Variants in CSMD1 observed in about 807,000 individuals in gnomAD.
CSMD1 encodes the protein CUB and sushi domain-containing protein 1.
Under a neutral mutation model 417.5 loss-of-function variants are expected in CSMD1, and 213 were observed. The ratio of observed to expected loss-of-function variants is 0.51; its 90% CI spans 0.46 to 0.57. CSMD1 has a LOEUF of 0.57. CSMD1 is among the 20% of genes least tolerant of loss of function. The pLI is 0.00. For synonymous variants in CSMD1, 2,862 were observed against 1,736.8 expected (o/e 1.65, Z -16.11); for missense variants, 6,923 against 4,529.7 (o/e 1.53, Z -15.17).
intron 3 of CSMD1, among the ~76,000 whole-genome samples, chr8:4,305,782 CAA>C (rs916512852): frequency 2.0e-4 from 31 of 152,206 alleles, no homozygotes; most frequent in African/African-American, 6.0e-4. Flanking sequence ...TTTCACTTCA[CAA>C]AAGTGATTTG....
rs368135714 is a variant in CSMD1, at chr8:3,188,477, T to G, written c.5523+410A>C. ...GTATACTACCATGCCTGGCTAGTTT[T>G]TATATTTTTAGTAGAGACAGGGTTT... is the stretch of plus-strand genomic sequence containing the variant. On this transcript the variant is annotated intron_variant, in intron 35 of 69. Coordinates refer to ENST00000635120, the MANE Select transcript of CSMD1 (RefSeq NM_033225.6). 5.3e-5 allele frequency among the ~76,000 whole-genome samples: 8 copies of G among 151,786 alleles called. No homozygotes were observed. The South Asian group carries it at 1.7e-3, about 32-fold the overall frequency.
At chr8:4,787,587 A>C (rs1304700727) in intron 1 of CSMD1, 3 of 1,532,604 alleles carry the variant, frequency 2.0e-6, no homozygotes, top group Non-Finnish European at 2.7e-6. Context: ...CCCCAGTGCG[A>C]AATGATTCCA....
intron 26 of CSMD1, among the ~76,000 whole-genome samples, chr8:3,236,882 C>G (rs980983660): frequency 1.3e-5 from 2 of 152,094 alleles, no homozygotes; most frequent in African/African-American, 2.4e-5. Flanking sequence ...TTATGAGTGC[C>G]CTGTTTTCCA....
chr8:4,939,087 C>T (rs1022271768), intron 1 of CSMD1, among the ~76,000 whole-genome samples: 6 of 152,174 alleles, frequency 3.9e-5, no homozygotes, highest in East Asian at 1.9e-4. Context: ...CCCCCCTCTG[C>T]GGGTTGCCTC....
intron 52 of CSMD1, among the ~76,000 whole-genome samples, chr8:3,003,445 G>C (rs1333880886): frequency 6.6e-6 from 1 of 152,116 alleles, no homozygotes; most frequent in African/African-American, 2.4e-5. Flanking sequence ...TCTCTGCTGT[G>C]TCTCTACCAT....
chr8:3,864,120 T>C (rs1166943545), intron 5 of CSMD1, among the ~76,000 whole-genome samples: 4 of 152,118 alleles, frequency 2.6e-5, no homozygotes, highest in African/African-American at 9.7e-5. Context: ...GCTGTTGATA[T>C]TTTAAAAAAA....
intron 26 of CSMD1, among the ~76,000 whole-genome samples, chr8:3,267,084 G>T (rs1003017418): frequency 6.6e-6 from 1 of 151,566 alleles, no homozygotes; most frequent in African/African-American, 2.4e-5. Context: ...AAGCCAGAGA[G>T]AGGGAAGGGT....
chr8:4,942,940 G>A lies in CSMD1; in HGVS notation c.85+51392C>T, dbSNP rs779225693. Among the ~76,000 whole-genome samples the A allele has an allele frequency of 1.8e-4, 28 of 152,248 alleles. 1 individual carries two copies. Among genetic ancestry groups the A allele is most frequent in the Non-Finnish European group, 3.2e-4 (22 of 68,014 alleles). On this transcript the variant is annotated intron_variant, in intron 1 of 69. Transcript: ENST00000635120. ...GGTTTGGATTAGGTTATAGATGATGGGTGTGCATTCAGGATTGAGATAGCT... is the reference window on the plus strand; with the variant it reads ...GGTTTGGATTAGGTTATAGATGATGAGTGTGCATTCAGGATTGAGATAGCT...
chr8:4,428,616 C>G (rs1394354632), intron 2 of CSMD1, among the ~76,000 whole-genome samples: 1 of 152,034 alleles, frequency 6.6e-6, no homozygotes, highest in Non-Finnish European at 1.5e-5. Context: ...TGCTCAAGTT[C>G]CTTTAGGAAA....
At chr8:4,939,598 C>T (rs376365389) in intron 1 of CSMD1, among the ~76,000 whole-genome samples, 27 of 151,826 alleles carry the variant, frequency 1.8e-4, no homozygotes, top group African/African-American at 6.3e-4. Flanking sequence ...AATAGTTGAA[C>T]TCAATGAAGC....
At chr8:3,537,005 CTTTCT>C (rs1354823212) in intron 10 of CSMD1, among the ~76,000 whole-genome samples, 1 of 151,946 alleles carries the variant, frequency 6.6e-6, no homozygotes, top group African/African-American at 2.4e-5. Flanking sequence ...TTTTTCTTTT[CTTTCT>C]TTTCTTTTTT....
At position 4,628,439 on chromosome 8, in the gene CSMD1, C is replaced by CATATAT. The variant is rs34507100; in HGVS notation, c.302+8897_302+8902dup. On this transcript the variant is annotated intron_variant, in intron 2 of 69. Coordinates refer to ENST00000635120, the MANE Select transcript of CSMD1 (RefSeq NM_033225.6). ...ATATACATATATATACACATATACA[C>CATATAT]ATATATACACATATACATATATATG... 2.5e-4 allele frequency among the ~76,000 whole-genome samples: 36 copies of CATATAT among 146,198 alleles called. No homozygotes were observed. In the East Asian group the frequency reaches 5.2e-3, roughly 21 times the overall value.
intron 1 of CSMD1, among the ~76,000 whole-genome samples, chr8:4,716,413 A>G (rs896210521): frequency 2.0e-5 from 3 of 152,186 alleles, no homozygotes; most frequent in Non-Finnish European, 4.4e-5. Context: ...CTTTTTCATA[A>G]ATGTATACAA....
chr8:2,964,347 C>A (rs898087929), intron 59 of CSMD1, among the ~76,000 whole-genome samples: 3 of 152,208 alleles, frequency 2.0e-5, no homozygotes, highest in African/African-American at 7.2e-5. Flanking sequence ...TTCAACAAAT[C>A]CTTCCTGAGA....
chr8:3,287,557 T>C (rs1170153620), intron 25 of CSMD1, among the ~76,000 whole-genome samples: 3 of 152,244 alleles, frequency 2.0e-5, no homozygotes, highest in South Asian at 4.1e-4. Flanking sequence ...TTATTCTCTT[T>C]GAAGCAATTG....
chr8:3,674,416 G>A (rs1032396141), intron 7 of CSMD1, among the ~76,000 whole-genome samples: 1 of 151,730 alleles, frequency 6.6e-6, no homozygotes, highest in Non-Finnish European at 1.5e-5. Context: ...TTCAAATCAA[G>A]AATATTTAAA....
chr8:3,251,669 C>G lies in CSMD1; in HGVS notation c.4154-21438G>C, dbSNP rs535628977. On this transcript the variant is annotated intron_variant, in intron 26 of 69. Coordinates refer to ENST00000635120, the MANE Select transcript of CSMD1 (RefSeq NM_033225.6). ...TTACCTTGGGCAGCATGGGCATTTT[C>G]ACAATATTGATTCTTCCTACCCATG... is the stretch of plus-strand genomic sequence containing the variant. Among the ~76,000 whole-genome samples the G allele has an allele frequency of 2.6e-5, 4 of 152,274 alleles. No individual in the cohort carries two copies. The East Asian group carries it at 7.7e-4, about 29-fold the overall frequency.
At chr8:4,230,047 A>ACGTG (rs1418026203) in intron 3 of CSMD1, among the ~76,000 whole-genome samples, 1 of 152,218 alleles carries the variant, frequency 6.6e-6, no homozygotes, top group African/African-American at 2.4e-5. Context: ...AGAACATCTT[A>ACGTG]CGTGCGTGCG....
chr8:3,038,578 G>T (rs1401140953), intron 50 of CSMD1, among the ~76,000 whole-genome samples: 5 of 151,934 alleles, frequency 3.3e-5, no homozygotes, highest in South Asian at 2.1e-4. Context: ...CATGTTATAA[G>T]GTTTCACATG....
Sources: gnomAD v4.1 joint callset for allele counts (sites outside exome capture counted in the v4.1 genomes callset) on GRCh38, gnomAD v4.1.1 for gene constraint, MANE v1.5 for transcripts, NCBI Gene and HGNC (gene_info 2026-07-23, HGNC 2026-07-21) for gene names.